Variants in FN3K observed in about 807,000 individuals in gnomAD.
The protein encoded by FN3K is fructosamine-3-kinase.
FN3K carries 24 observed loss-of-function variants against 24.8 expected under a neutral mutation model. That is an observed-to-expected ratio of 0.97 (90% CI 0.70 to 1.36). The LOEUF (loss-of-function observed/expected upper bound fraction) is 1.36. Ranked by LOEUF, FN3K falls within the 40% of genes most tolerant of loss-of-function variation. FN3K has a pLI of 0.00. For synonymous variants in FN3K, 192 were observed against 175.2 expected, an observed-to-expected ratio of 1.10 and a Z score of -0.76; for missense variants, 449 against 416.7, an observed-to-expected ratio of 1.08 and a Z score of -0.67.
chr17:82,740,616 A>T, intron 2 of FN3K, 147 bp from the exon 3 acceptor site: 1 of 620,958 alleles, frequency 1.6e-6, no homozygotes. Flanking sequence ...AAGCAAAAGA[A>T]AGAGTCATTG....
chr17:82,738,788 C>T lies in FN3K; in HGVS notation c.293+148C>T, dbSNP rs1328188998. ...TGGCTGAGCCGTCCACACAACTGCC[C>T]GGTTATCAGAGGCAGGGCCAAGAGT... On this transcript the variant is annotated intron_variant, in intron 2 of 5. Transcript: ENST00000300784. 21 of 975,546 alleles carry T rather than the reference C, an allele frequency of 2.2e-5. 1 individual carries two copies. Among genetic ancestry groups the T allele is most frequent in the South Asian group, 9.8e-5 (7 of 71,280 alleles). 60.4% of individuals were successfully genotyped at this position (975,546 alleles called of 1,614,324 possible).
chr17:82,736,204 C>G (rs563467295), intron 1 of FN3K: 1 of 183,316 alleles, frequency 5.5e-6, no homozygotes, highest in Non-Finnish European at 1.1e-5. Context: ...TGTGTTTAGA[C>G]CTGATTTCTA....
intron 4 of FN3K, 44 bp from the exon 5 acceptor site, chr17:82,748,811 T>G: frequency 1.2e-6 from 2 of 1,611,658 alleles, no homozygotes; most frequent in Non-Finnish European, 1.7e-6. Flanking sequence ...AGGCAGCACT[T>G]GGCTCCGAAT....
chr17:82,748,008 AGCT>A (rs1430679987), intron 4 of FN3K, among the ~76,000 whole-genome samples: 1 of 152,194 alleles, frequency 6.6e-6, no homozygotes, highest in African/African-American at 2.4e-5. Flanking sequence ...CGTATTTTGA[AGCT>A]GTGTTATTAG....
At chr17:82,742,341 A>G (rs1224097296) in intron 4 of FN3K, among the ~76,000 whole-genome samples, 1 of 152,188 alleles carries the variant, frequency 6.6e-6, no homozygotes, top group Non-Finnish European at 1.5e-5. Flanking sequence ...ATGCCTGGCC[A>G]GAACATTTTC....
intron 4 of FN3K, among the ~76,000 whole-genome samples, chr17:82,744,844 GA>G (rs1264455313): frequency 6.6e-6 from 1 of 152,174 alleles, no homozygotes; most frequent in African/African-American, 2.4e-5. Context: ...TGTGCTTTTA[GA>G]TATGCATACA....
In FN3K at chr17:82,741,306, A is replaced by T; in HGVS notation, c.386-5A>T. On this transcript the variant is annotated splice_polypyrimidine_tract_variant and splice_region_variant and intron_variant, in intron 3 of 5. Coordinates refer to ENST00000300784, the MANE Select transcript of FN3K (RefSeq NM_022158.4). ...CTCCTTCAGGCCAAGGATCTCTGTC[A>T]ACAGGCCGAAGAGGTGAGGGTGCTG... The T allele has an allele frequency of 6.2e-7, 1 of 1,613,484 alleles. No individual in the cohort carries two copies. The highest frequency in any genetic ancestry group is 1.1e-5 in the South Asian group (1 of 90,874).
chr17:82,741,636 G>A (rs778042798), intron 4 of FN3K: 11 of 472,760 alleles, frequency 2.3e-5, no homozygotes, highest in Non-Finnish European at 3.9e-5. Flanking sequence ...CGAGCCTCAA[G>A]TGCAAAGGTT....
At chr17:82,747,558 G>GC (rs2046975678) in intron 4 of FN3K, among the ~76,000 whole-genome samples, 1 of 152,056 alleles carries the variant, frequency 6.6e-6, no homozygotes, top group African/African-American at 2.4e-5. Flanking sequence ...GCACCATCAC[G>GC]CCCAGCTACT....
chr17:82,735,820 G>T, intron 1 of FN3K, 43 bp downstream of exon 1: 2 of 1,533,342 alleles, frequency 1.3e-6, no homozygotes, highest in Middle Eastern at 2.3e-4. Context: ...GGTCTCTGCG[G>T]GGCCTGGGAA....
In FN3K at chr17:82,748,883, C is replaced by A. The variant is rs777261368; in HGVS notation, c.497C>A (p.Thr166Asn). 1.2e-6 allele frequency: 2 copies of A among 1,613,350 alleles called. No individual in the cohort carries two copies. Among genetic ancestry groups the A allele is most frequent in the Middle Eastern group, 1.8e-4 (1 of 5,582 alleles). Reference protein sequence around the residue: ...QVNEWQDDWPTFFARHRLQAQ... With the variant: ...QVNEWQDDWPNFFARHRLQAQ... ...AATGAGTGGCAGGATGACTGGCCGA[C>A]CTTTTTCGCCCGGCACCGGCTCCAG... The change falls in exon 5 of 6, where the codon ACC becomes AAC. Residue 166 changes from threonine to asparagine, a missense_variant. Thr to Asn is a moderately conservative substitution (Grantham distance 65, BLOSUM62 0). Coordinates refer to ENST00000300784, the MANE Select transcript of FN3K (RefSeq NM_022158.4).
intron 4 of FN3K, 44 bp from the exon 5 acceptor site, chr17:82,748,811 T>C (rs2046983071): frequency 6.2e-7 from 1 of 1,611,540 alleles, no homozygotes; most frequent in African/African-American, 1.3e-5. Context: ...AGGCAGCACT[T>C]GGCTCCGAAT....
chr17:82,739,227 C>A (rs2046926232), intron 2 of FN3K, among the ~76,000 whole-genome samples: 1 of 151,784 alleles, frequency 6.6e-6, no homozygotes, highest in Non-Finnish European at 1.5e-5. Context: ...GGATAACAGG[C>A]CTGAGCCACC....
Position 82,748,955 on chromosome 17 carries a change from G to A in FN3K, c.569G>A (p.Arg190Gln), listed in dbSNP as rs1292932101. 3.1e-6 allele frequency: 5 copies of A among 1,614,050 alleles called. No individual in the cohort carries two copies. The Admixed American group carries it at 5.0e-5, about 16-fold the overall frequency. The change falls in exon 5 of 6, where the codon CGA becomes CAA. Residue 190 changes from arginine to glutamine, a missense_variant. Arg to Gln is a conservative substitution (Grantham distance 43, BLOSUM62 1). Coordinates refer to ENST00000300784, the MANE Select transcript of FN3K (RefSeq NM_022158.4). ...AAGGACTATGCTGACCGAGAGGCAC[G>A]AGAACTCTGGTCCCGGCTACAGGTG... is the stretch of plus-strand genomic sequence containing the variant. Reference protein sequence around the residue: ...IEKDYADREARELWSRLQVKI... With the variant: ...IEKDYADREAQELWSRLQVKI...
intron 1 of FN3K, among the ~76,000 whole-genome samples, chr17:82,737,427 A>G (rs1188022739): frequency 6.6e-6 from 1 of 151,514 alleles, no homozygotes; most frequent in Non-Finnish European, 1.5e-5. Context: ...GGTTCACTCC[A>G]TTCTCCTGCC....
Position 82,748,945 on chromosome 17 carries a change from C to G in FN3K, c.559C>G (p.Arg187Gly). The change falls in exon 5 of 6, where the codon CGA becomes GGA. Residue 187 changes from arginine (R) to glycine (G), a missense_variant. By Grantham distance (125) the Arg-to-Gly change is moderately radical. Coordinates refer to ENST00000300784, the MANE Select transcript of FN3K (RefSeq NM_022158.4). ...CCTCATTGAGAAGGACTATGCTGAC[C>G]GAGAGGCACGAGAACTCTGGTCCCG... ...LDLIEKDYAD[R>G]EARELWSRLQ... 4 of 1,614,154 alleles carry G rather than the reference C, an allele frequency of 2.5e-6. No homozygotes were observed. Among genetic ancestry groups the G allele is most frequent in the Non-Finnish European group, 3.4e-6 (4 of 1,180,032 alleles).
Position 82,748,954 on chromosome 17 carries a change from C to A in FN3K, c.568C>A (p.Arg190=). The A allele has an allele frequency of 6.2e-7, 1 of 1,614,182 alleles. No homozygotes were observed. The highest frequency in any genetic ancestry group is 8.5e-7 in the Non-Finnish European group (1 of 1,180,034). ...IEKDYADREA[R]ELWSRLQVKI... Reference sequence around the variant, plus strand: ...GAAGGACTATGCTGACCGAGAGGCACGAGAACTCTGGTCCCGGCTACAGGT... The same window carrying A: ...GAAGGACTATGCTGACCGAGAGGCAAGAGAACTCTGGTCCCGGCTACAGGT... Residue 190 remains arginine (R), a synonymous_variant, in exon 5 of 6, where the codon CGA becomes AGA. Coordinates refer to ENST00000300784, the MANE Select transcript of FN3K (RefSeq NM_022158.4).
In FN3K at chr17:82,748,875, C is replaced by G. The variant is rs772288190; in HGVS notation, c.489C>G (p.Asp163Glu). ...FIPQVNEWQDDWPTFFARHRL... is the reference protein window; with the variant it reads ...FIPQVNEWQDEWPTFFARHRL... ...TCCAGGTGAATGAGTGGCAGGATGA[C>G]TGGCCGACCTTTTTCGCCCGGCACC... Residue 163 changes from aspartate to glutamate, a missense_variant, in exon 5 of 6, where the codon GAC (aspartate) becomes GAG (glutamate). Asp to Glu is a conservative substitution (Grantham distance 45). Coordinates refer to ENST00000300784, the MANE Select transcript of FN3K (RefSeq NM_022158.4). 1.2e-6 allele frequency: 2 copies of G among 1,613,172 alleles called. No individual in the cohort carries two copies. Among genetic ancestry groups the G allele is most frequent in the Non-Finnish European group, 8.5e-7 (1 of 1,179,972 alleles).
rs760189416 is a variant in FN3K, at chr17:82,750,374, G to A, written c.592-43G>A. On this transcript the variant is annotated intron_variant, in intron 5 of 5. Transcript: ENST00000300784. ...TCCAAGAACGAGGTGATGAGACCGG[G>A]GCTCCCAGAGGCCAGCGATAACTGC... 3 of 1,549,270 alleles carry A rather than the reference G, an allele frequency of 1.9e-6. No individual in the cohort carries two copies. In the Admixed American group the frequency reaches 5.0e-5, roughly 26 times the overall value.
Sources: gnomAD v4.1 joint callset for allele counts (sites outside exome capture counted in the v4.1 genomes callset) on GRCh38, gnomAD v4.1.1 for gene constraint, MANE v1.5 for transcripts, NCBI Gene and HGNC (gene_info 2026-07-23, HGNC 2026-07-21) for gene names.